The following GALNT18 variants were observed in gnomAD, a reference collection of about 807,000 sequenced individuals.
The protein encoded by GALNT18 is polypeptide N-acetylgalactosaminyltransferase 18, also known as GalNAc-transferase 18.
A neutral mutation model predicts 69.5 loss-of-function variants in GALNT18; 44 were observed. The ratio of observed to expected loss-of-function variants is 0.63; its 90% CI spans 0.50 to 0.81. The LOEUF (loss-of-function observed/expected upper bound fraction) is 0.81, where lower values mean the gene tolerates loss of function less well. Ranked by LOEUF, GALNT18 falls within the 40% of genes least tolerant of loss-of-function variation. The probability of loss-of-function intolerance (pLI) is 0.00; values close to 1 mark genes in which losing one functional copy is unlikely to be tolerated. For synonymous variants in GALNT18, 364 were observed against 318.2 expected (o/e 1.14, Z -1.53); for missense variants, 715 against 810.0 (o/e 0.88, Z 1.42).
At chr11:11,611,093 A>C (rs12275977) in intron 1 of GALNT18, among the ~76,000 whole-genome samples, 1 of 152,150 alleles carries the variant, frequency 6.6e-6, no homozygotes, top group Non-Finnish European at 1.5e-5. Flanking sequence ...GCATAAACAG[A>C]AAGAGAGATT....
intron 10 of GALNT18, among the ~76,000 whole-genome samples, chr11:11,275,944 T>C (rs763393082): frequency 2.6e-5 from 4 of 152,204 alleles, no homozygotes; most frequent in Non-Finnish European, 5.9e-5. Context: ...AGCCTTGTAG[T>C]ATAGTTTGAA....
Position 11,326,998 on chromosome 11 carries a change from C to T in GALNT18, c.1512+88G>A. ...AGCTGCCATGACAGAGCCTAGCTCT[C>T]CTTCCCCATGACAGAGCCTAGCTCT... is the stretch of plus-strand genomic sequence containing the variant. On this transcript the variant is annotated intron_variant, in intron 9 of 10. Transcript: ENST00000227756. 3.1e-6 allele frequency: 3 copies of T among 980,406 alleles called. No homozygotes were observed. The South Asian group carries it at 4.1e-5, about 13-fold the overall frequency. 60.7% of individuals were successfully genotyped at this position (980,406 alleles called of 1,614,324 possible).
intron 10 of GALNT18, 53 bp from the exon 11 acceptor site, chr11:11,271,343 A>G: frequency 1.3e-6 from 2 of 1,579,252 alleles, no homozygotes; most frequent in African/African-American, 1.3e-5. Flanking sequence ...AACATGCAGA[A>G]ATTCGGGAGC....
chr11:11,335,971 T>C (rs2133052334), intron 7 of GALNT18, among the ~76,000 whole-genome samples: 1 of 152,274 alleles, frequency 6.6e-6, no homozygotes, highest in South Asian at 2.1e-4. Flanking sequence ...ACCAAATTCA[T>C]GGTAATTTGT....
intron 1 of GALNT18, among the ~76,000 whole-genome samples, chr11:11,536,801 T>C (rs1209447891): frequency 6.6e-6 from 1 of 152,270 alleles, no homozygotes; most frequent in African/African-American, 2.4e-5. Context: ...ACCACTGTTA[T>C]GCCTTGTGCA....
At position 11,621,303 on chromosome 11, in the gene GALNT18, C is replaced by T. The variant is rs1413132711; in HGVS notation, c.235+56G>A. ...CGCACCAGCCCCAGCGCACCCCGCG[C>T]CGCGCGGGGCACTCCCGGGCCTCAT... On this transcript the variant is annotated intron_variant, in intron 1 of 10. Coordinates refer to ENST00000227756, the MANE Select transcript of GALNT18 (RefSeq NM_198516.3). This position sits in a 1 kb window ranked among gnomAD's most constrained non-coding sequence, Gnocchi z 9.3. The T allele has an allele frequency of 2.0e-6, 3 of 1,479,374 alleles. No homozygotes were observed. Among genetic ancestry groups the T allele is most frequent in the African/African-American group, 2.8e-5 (2 of 71,606 alleles). 91.6% of individuals were successfully genotyped at this position (1,479,374 alleles called of 1,614,324 possible).
intron 5 of GALNT18, among the ~76,000 whole-genome samples, chr11:11,375,727 A>G (rs113739608): frequency 2.0e-5 from 3 of 152,344 alleles, no homozygotes; most frequent in African/African-American, 7.2e-5. Context: ...CAAATGAGCC[A>G]ATGCGTGTAA....
At chr11:11,553,886 T>G (rs576396186) in intron 1 of GALNT18, among the ~76,000 whole-genome samples, 3 of 152,300 alleles carry the variant, frequency 2.0e-5, no homozygotes, top group African/African-American at 7.2e-5. Flanking sequence ...AGAAAATGCA[T>G]GGGCACATCC....
chr11:11,599,862 T>C (rs1859593811), intron 1 of GALNT18, among the ~76,000 whole-genome samples: 1 of 151,998 alleles, frequency 6.6e-6, no homozygotes, highest in African/African-American at 2.4e-5. Context: ...TTCAATCAAG[T>C]TAACATACTC....
intron 3 of GALNT18, among the ~76,000 whole-genome samples, chr11:11,386,044 T>G (rs1466609): frequency 0.42 from 63,490 of 151,954 alleles, 14,264 homozygotes; most frequent in Non-Finnish European, 0.49. Flanking sequence ...GAGAGGGGCA[T>G]GCAACAGATT....
intron 8 of GALNT18, among the ~76,000 whole-genome samples, chr11:11,328,747 G>A (rs1468459914): frequency 6.6e-6 from 1 of 152,156 alleles, no homozygotes; most frequent in Admixed American, 6.5e-5. Flanking sequence ...TACCTTAGTG[G>A]GAAGAGCATA....
chr11:11,392,851 G>T (rs1299823135), intron 3 of GALNT18, among the ~76,000 whole-genome samples: 1 of 152,112 alleles, frequency 6.6e-6, no homozygotes, highest in Non-Finnish European at 1.5e-5. Context: ...TAAGGAAATG[G>T]AGGCTCAGCA....
chr11:11,542,601 T>C lies in GALNT18; in HGVS notation c.235+78758A>G, dbSNP rs1347752164. ...AAGGAACTAGGTGTCAAAAAGAGAATGTAGAGTAAAGAGGTCAAGAACATT... is the reference window on the plus strand; with the variant it reads ...AAGGAACTAGGTGTCAAAAAGAGAACGTAGAGTAAAGAGGTCAAGAACATT... On this transcript the variant is annotated intron_variant, in intron 1 of 10. Transcript: ENST00000227756. The surrounding 1 kb of genome is among the most constrained non-coding windows in gnomAD (Gnocchi z 4.3). Among the ~76,000 whole-genome samples the C allele has an allele frequency of 6.6e-6, 1 of 152,222 alleles. No individual in the cohort carries two copies. Among genetic ancestry groups the C allele is most frequent in the East Asian group, 1.9e-4 (1 of 5,202 alleles).
At chr11:11,407,456 C>G (rs1589976355) in intron 3 of GALNT18, among the ~76,000 whole-genome samples, 1 of 152,336 alleles carries the variant, frequency 6.6e-6, no homozygotes, top group Admixed American at 6.5e-5. Context: ...ACAGCCTGTG[C>G]CACTTCAGCA....
intron 3 of GALNT18, among the ~76,000 whole-genome samples, chr11:11,427,814 C>T (rs143370142): frequency 2.0e-5 from 3 of 152,282 alleles, no homozygotes; most frequent in African/African-American, 7.2e-5. Context: ...ACCCTTGGCA[C>T]CCAGAAGCTT....
intron 10 of GALNT18, among the ~76,000 whole-genome samples, chr11:11,278,805 T>A (rs1048343451): frequency 6.6e-6 from 1 of 152,182 alleles, no homozygotes; most frequent in African/African-American, 2.4e-5. Context: ...AGGGTAACTA[T>A]AATTAATAAT....
Position 11,347,488 on chromosome 11 carries a change from A to G in GALNT18, c.1093-6484T>C, listed in dbSNP as rs75301051. Reference sequence around the variant, plus strand: ...CTCTGTCCAGTCTCAGTGGAGAAGTATGCCACAATTTATTCATTACGGTTA... The same window carrying G: ...CTCTGTCCAGTCTCAGTGGAGAAGTGTGCCACAATTTATTCATTACGGTTA... On this transcript the variant is annotated intron_variant, in intron 6 of 10. Coordinates refer to ENST00000227756, the MANE Select transcript of GALNT18 (RefSeq NM_198516.3). This position sits in a 1 kb window ranked among gnomAD's most constrained non-coding sequence, Gnocchi z 4.0. 6.6e-6 allele frequency among the ~76,000 whole-genome samples: 1 copy of G among 152,210 alleles called. No homozygotes were observed. Among genetic ancestry groups the G allele is most frequent in the Non-Finnish European group, 1.5e-5 (1 of 68,030 alleles).
chr11:11,274,470 G>C (rs551436496), intron 10 of GALNT18, among the ~76,000 whole-genome samples: 166 of 152,348 alleles, frequency 1.1e-3, no homozygotes, highest in Middle Eastern at 3.4e-3. Flanking sequence ...TAGGACAGCA[G>C]TCTGAGGTTG....
intron 1 of GALNT18, among the ~76,000 whole-genome samples, chr11:11,547,945 C>T (rs1312664172): frequency 1.3e-5 from 2 of 152,174 alleles, no homozygotes; most frequent in Admixed American, 1.3e-4. Context: ...GTGCCATTCC[C>T]TCCGCCTGAA....
Sources: gnomAD v4.1 joint callset for allele counts (sites outside exome capture counted in the v4.1 genomes callset) on GRCh38, gnomAD v4.1.1 for gene constraint, Gnocchi (gnomAD v3.1) non-coding constraint, MANE v1.5 for transcripts, NCBI Gene and HGNC (gene_info 2026-07-23, HGNC 2026-07-21) for gene names.